The following TNFAIP8 variants were observed in gnomAD, a reference collection of about 807,000 sequenced individuals.
The protein encoded by TNFAIP8 is tumor necrosis factor alpha-induced protein 8.
In TNFAIP8, 7 loss-of-function variants were observed where a neutral mutation model predicts 13.3. That is an observed-to-expected ratio of 0.52 (90% CI 0.30 to 0.99). The LOEUF (loss-of-function observed/expected upper bound fraction) is 0.99, where lower values mean the gene tolerates loss of function less well. Ranked by LOEUF, TNFAIP8 falls within the 50% of genes least tolerant of loss-of-function variation. The pLI is 0.07. For missense variants in TNFAIP8, 258 were observed against 236.9 expected (o/e 1.09, Z -0.58); for synonymous variants, 94 against 87.6 (o/e 1.07, Z -0.41).
intron 1 of TNFAIP8, among the ~76,000 whole-genome samples, chr5:119,359,281 C>G (rs1751548449): frequency 6.6e-6 from 1 of 152,188 alleles, no homozygotes; most frequent in African/African-American, 2.4e-5. Flanking sequence ...AAATATCCTT[C>G]TCTCCACCTG....
At chr5:119,330,090 C>G (rs186367725) in intron 1 of TNFAIP8, among the ~76,000 whole-genome samples, 1 of 151,952 alleles carries the variant, frequency 6.6e-6, no homozygotes, top group Non-Finnish European at 1.5e-5. Context: ...CTATAATTAG[C>G]GCCATGGTTT....
intron 1 of TNFAIP8, among the ~76,000 whole-genome samples, chr5:119,349,313 C>T (rs1203804720): frequency 6.6e-6 from 1 of 152,176 alleles, no homozygotes; most frequent in Non-Finnish European, 1.5e-5. Context: ...AAGAGGGGAA[C>T]CTCATGATTT....
intron 1 of TNFAIP8, among the ~76,000 whole-genome samples, chr5:119,385,173 A>G (rs886941397): frequency 2.6e-5 from 4 of 152,248 alleles, no homozygotes; most frequent in Non-Finnish European, 5.9e-5. Flanking sequence ...CCAACTTGAA[A>G]TGACCTCCAG....
At chr5:119,288,047 A>C (rs532605644) in intron 1 of TNFAIP8, among the ~76,000 whole-genome samples, 1 of 152,290 alleles carries the variant, frequency 6.6e-6, no homozygotes, top group South Asian at 2.1e-4. Context: ...TACTACCCCC[A>C]TTACTAAGAC....
intron 1 of TNFAIP8, among the ~76,000 whole-genome samples, chr5:119,381,114 A>G (rs1752467007): frequency 6.6e-6 from 1 of 152,108 alleles, no homozygotes; most frequent in Non-Finnish European, 1.5e-5. Flanking sequence ...AATCCTGGAG[A>G]TTCTGATTCC....
intron 1 of TNFAIP8, among the ~76,000 whole-genome samples, chr5:119,343,972 T>C (rs1460637552): frequency 6.6e-6 from 1 of 152,200 alleles, no homozygotes; most frequent in Admixed American, 6.5e-5. Context: ...ACCACTCATA[T>C]CTATGTGTGT....
intron 1 of TNFAIP8, among the ~76,000 whole-genome samples, chr5:119,278,350 G>A (rs4470791): frequency 0.1 from 1,247 of 12,476 alleles, 18 homozygotes; most frequent in African/African-American, 0.12. Context: ...AGACAGGAAG[G>A]GGGAGAGAGA....
At chr5:119,270,433 G>A (rs1265639480) in intron 1 of TNFAIP8, among the ~76,000 whole-genome samples, 1 of 152,192 alleles carries the variant, frequency 6.6e-6, no homozygotes, top group African/African-American at 2.4e-5. Flanking sequence ...AGCTATGGTT[G>A]TTGTTGTTTT....
intron 1 of TNFAIP8, among the ~76,000 whole-genome samples, chr5:119,317,021 A>G (rs1304565414): frequency 1.3e-5 from 2 of 152,224 alleles, no homozygotes; most frequent in Non-Finnish European, 2.9e-5. Context: ...GAAATGCCAG[A>G]GCAATGTATA....
At chr5:119,276,520 G>T (rs935983555) in intron 1 of TNFAIP8, among the ~76,000 whole-genome samples, 1 of 152,118 alleles carries the variant, frequency 6.6e-6, no homozygotes, top group Non-Finnish European at 1.5e-5. Flanking sequence ...CAGACTGGTG[G>T]CTTAAACAAC....
At chr5:119,294,331 A>G (rs1749095360) in intron 1 of TNFAIP8, among the ~76,000 whole-genome samples, 1 of 152,068 alleles carries the variant, frequency 6.6e-6, no homozygotes, top group African/African-American at 2.4e-5. Context: ...TTTACTGAGA[A>G]TGATGATTTC....
intron 1 of TNFAIP8, among the ~76,000 whole-genome samples, chr5:119,276,140 T>G (rs1234680683): frequency 6.6e-6 from 1 of 151,834 alleles, no homozygotes; most frequent in Non-Finnish European, 1.5e-5. Flanking sequence ...TTTTTTGAGT[T>G]GGAGTCTTGC....
At chr5:119,306,854 A>C (rs769371881) in intron 1 of TNFAIP8, among the ~76,000 whole-genome samples, 12 of 152,308 alleles carry the variant, frequency 7.9e-5, no homozygotes, top group Non-Finnish European at 1.5e-4. Context: ...GGTAAAGTAA[A>C]ATAAAACAAA....
chr5:119,383,310 G>T (rs1398422412), intron 1 of TNFAIP8, among the ~76,000 whole-genome samples: 2 of 152,184 alleles, frequency 1.3e-5, no homozygotes, highest in African/African-American at 2.4e-5. Context: ...CAGATCTGTT[G>T]TCATGGTGTA....
chr5:119,275,203 C>G (rs1013360710), intron 1 of TNFAIP8, among the ~76,000 whole-genome samples: 1 of 152,052 alleles, frequency 6.6e-6, no homozygotes, highest in African/African-American at 2.4e-5. Flanking sequence ...TATTAACAAG[C>G]AACCAGGTCA....
chr5:119,379,203 G>A (rs958504390), intron 1 of TNFAIP8, among the ~76,000 whole-genome samples: 1 of 152,186 alleles, frequency 6.6e-6, no homozygotes, highest in African/African-American at 2.4e-5. Flanking sequence ...ATGAATTGCT[G>A]TAAAAGAGAG....
intron 1 of TNFAIP8, among the ~76,000 whole-genome samples, chr5:119,305,929 C>T (rs967705614): frequency 2.0e-5 from 3 of 152,212 alleles, no homozygotes; most frequent in African/African-American, 4.8e-5. Context: ...TTACCTGTGC[C>T]GTGCACCTGG....
At chr5:119,384,220 C>T (rs1349837828) in intron 1 of TNFAIP8, among the ~76,000 whole-genome samples, 1 of 152,188 alleles carries the variant, frequency 6.6e-6, no homozygotes, top group African/African-American at 2.4e-5. Context: ...CACGGTGGCT[C>T]ACGCCTGTAA....
chr5:119,279,480 A>G (rs775775177), intron 1 of TNFAIP8, among the ~76,000 whole-genome samples: 4 of 152,226 alleles, frequency 2.6e-5, no homozygotes, highest in South Asian at 2.1e-4. Context: ...GAGATGTGTC[A>G]TCTTGTATTT....
Sources: gnomAD v4.1 joint callset for allele counts (sites outside exome capture counted in the v4.1 genomes callset) on GRCh38, gnomAD v4.1.1 for gene constraint, MANE v1.5 for transcripts, NCBI Gene and HGNC (gene_info 2026-07-23, HGNC 2026-07-21) for gene names.